The following SYPL1 variants were observed in gnomAD, a reference collection of about 807,000 sequenced individuals.
SYPL1 encodes synaptophysin-like protein 1.
In SYPL1, 6 loss-of-function variants were observed where a neutral mutation model predicts 23.7. The observed-to-expected ratio is 0.25, with a 90% CI of 0.14 to 0.50. The LOEUF (loss-of-function observed/expected upper bound fraction) is 0.50. Ranked by LOEUF, SYPL1 falls within the 20% of genes least tolerant of loss-of-function variation. The probability of loss-of-function intolerance (pLI) is 0.98; values close to 1 mark genes in which losing one functional copy is unlikely to be tolerated. For synonymous variants in SYPL1, 102 were observed against 104.5 expected, an observed-to-expected ratio of 0.98 and a Z score of 0.15; for missense variants, 253 against 288.9, an observed-to-expected ratio of 0.88 and a Z score of 0.90.
rs1011983828 is a variant in SYPL1, at chr7:106,095,017, G to C, written c.403-1880C>G. ...CAATGCACAACCTGCAGCTGCCTAG[G>C]GCAGCTCTACTCCTCCCAACAATTC... On this transcript the variant is annotated intron_variant, in intron 3 of 4. Transcript: ENST00000455385. This position sits in a 1 kb window ranked among gnomAD's most constrained non-coding sequence, Gnocchi z 4.3. 1.3e-5 allele frequency among the ~76,000 whole-genome samples: 2 copies of C among 152,034 alleles called. No individual in the cohort carries two copies. The highest frequency in any genetic ancestry group is 4.8e-5 in the African/African-American group (2 of 41,386).
chr7:106,108,504 T>C (rs1189545686), intron 1 of SYPL1, among the ~76,000 whole-genome samples: 5 of 152,030 alleles, frequency 3.3e-5, no homozygotes, highest in African/African-American at 4.8e-5. Flanking sequence ...GCCTTCTGAG[T>C]CCCCTGGTCC....
chr7:106,092,672 CAAA>C (rs549863505), intron 4 of SYPL1: 2,361 of 266,550 alleles, frequency 8.9e-3, no homozygotes, highest in East Asian at 0.015. Context: ...AACTCCATCT[CAAA>C]AAAAAAAAAA....
Position 106,112,283 on chromosome 7 carries a change from G to T in SYPL1, c.-75C>A, listed in dbSNP as rs893647185. 1 of 1,414,636 alleles carries T rather than the reference G, an allele frequency of 7.1e-7. No homozygotes were observed. Among genetic ancestry groups the T allele is most frequent in the Non-Finnish European group, 9.4e-7 (1 of 1,067,868 alleles). The allele number at this position is 1,414,636 out of a possible 1,614,324, so 87.6% of individuals were successfully genotyped here. ...GGACCGACGAGACCAGAGCAGCCCG[G>T]TGGCGAGGAAGGGCAGGCGGGGCTG... On this transcript the variant is annotated 5_prime_UTR_variant, in exon 1 of 5. Coordinates refer to ENST00000455385, the MANE Select transcript of SYPL1 (RefSeq NM_182715.4).
At chr7:106,112,474 C>T (rs1426635567), upstream of SYPL1, 1 of 1,511,654 alleles carries the variant, frequency 6.6e-7, no homozygotes, top group Admixed American at 2.2e-5. Flanking sequence ...CTCCTCAGGC[C>T]GCACCTGGCC....
chr7:106,112,545 C>A (rs530769292), upstream of SYPL1: 1 of 1,505,110 alleles, frequency 6.6e-7, no homozygotes, highest in Non-Finnish European at 8.9e-7. Context: ...GTGCGCCGCG[C>A]CCCCTTCCCT....
intron 4 of SYPL1, 65 bp downstream of exon 4, chr7:106,092,884 T>C: frequency 1.5e-6 from 2 of 1,323,946 alleles, no homozygotes; most frequent in Non-Finnish European, 2.0e-6. Context: ...GCTATTGCTT[T>C]CCTGAATTAC....
At chr7:106,103,079 T>C (rs1295492717) in intron 1 of SYPL1, among the ~76,000 whole-genome samples, 1 of 152,176 alleles carries the variant, frequency 6.6e-6, no homozygotes. Flanking sequence ...TACTAGTATA[T>C]AGATCTAAGA....
Position 106,100,177 on chromosome 7 carries a change from C to G in SYPL1, c.70-895G>C, listed in dbSNP as rs1840240901. On this transcript the variant is annotated intron_variant, in intron 1 of 4. Coordinates refer to ENST00000455385, the MANE Select transcript of SYPL1 (RefSeq NM_182715.4). The surrounding 1 kb of genome is among the most constrained non-coding windows in gnomAD (Gnocchi z 5.1). ...TGTTAAACCTCCCTTGTGGGTATTT[C>G]CAGGTCTCAAAAAGTTGTTGGAAAC... is the stretch of plus-strand genomic sequence containing the variant. Among the ~76,000 whole-genome samples, 1 of 152,122 alleles carries G rather than the reference C, an allele frequency of 6.6e-6. No homozygotes were observed. The highest frequency in any genetic ancestry group is 2.4e-5 in the African/African-American group (1 of 41,422).
intron 1 of SYPL1, among the ~76,000 whole-genome samples, chr7:106,110,783 C>T (rs1354232573): frequency 6.6e-6 from 1 of 152,106 alleles, no homozygotes; most frequent in African/African-American, 2.4e-5. Context: ...AATATAAGCA[C>T]AGATATAAAC....
At chr7:106,098,212 A>C (rs1840129879) in intron 2 of SYPL1, among the ~76,000 whole-genome samples, 1 of 152,234 alleles carries the variant, frequency 6.6e-6, no homozygotes. Context: ...TTGAGACATC[A>C]TATTTCATTC....
chr7:106,093,486 T>G (rs1270025101), intron 3 of SYPL1, among the ~76,000 whole-genome samples: 3 of 152,170 alleles, frequency 2.0e-5, no homozygotes, highest in Admixed American at 2.0e-4. Flanking sequence ...TATCCTTCCA[T>G]ACTCTGTTTT....
At chr7:106,099,077 A>G in intron 2 of SYPL1, 81 bp downstream of exon 2, 1 of 1,533,144 alleles carries the variant, frequency 6.5e-7, no homozygotes, top group South Asian at 1.3e-5. Context: ...ACCCCCCACA[A>G]TCAATAAATT....
At chr7:106,105,760 G>A (rs1371397974) in intron 1 of SYPL1, among the ~76,000 whole-genome samples, 1 of 152,166 alleles carries the variant, frequency 6.6e-6, no homozygotes, top group East Asian at 1.9e-4. Flanking sequence ...AGCATGCTGG[G>A]TATCCTGAAG....
rs2116087727 is a variant in SYPL1 at position 106,095,423 on chromosome 7, C to T, written c.402+2267G>A. 6.6e-6 allele frequency among the ~76,000 whole-genome samples: 1 copy of T among 151,682 alleles called. No individual in the cohort carries two copies. Among genetic ancestry groups the T allele is most frequent in the South Asian group, 2.1e-4 (1 of 4,802 alleles). On this transcript the variant is annotated intron_variant, in intron 3 of 4. Coordinates refer to ENST00000455385, the MANE Select transcript of SYPL1 (RefSeq NM_182715.4). The surrounding 1 kb of genome is among the most constrained non-coding windows in gnomAD (Gnocchi z 4.3). ...GGAATACAGTGGTGTGATCTTGGCT[C>T]ACTGTAACCTCCACCTCCTGGGTTC...
At chr7:106,094,672 A>G (rs6960866) in intron 3 of SYPL1, among the ~76,000 whole-genome samples, 63,848 of 152,072 alleles carry the variant, frequency 0.42, 13,550 homozygotes, top group East Asian at 0.52. Flanking sequence ...GATGAGTAAC[A>G]TGAGGTTATA....
rs1337291996 is a variant in SYPL1, at chr7:106,090,791, C to T, written c.*1014G>A. 6.6e-6 allele frequency: 1 copy of T among 152,194 alleles called. No homozygotes were observed. The highest frequency in any genetic ancestry group is 1.5e-5 in the Non-Finnish European group (1 of 68,020). 9.4% of individuals were successfully genotyped at this position (152,194 alleles called of 1,614,324 possible). A position where few individuals can be genotyped will look rare whatever the true frequency, so the allele number is the denominator to read the frequency against. ...CCTTTATGATGCATAATTCCTTAAT[C>T]ATTCATTTGTGAAACAAGAATGAAT... On this transcript the variant is annotated 3_prime_UTR_variant, in exon 5 of 5. Coordinates refer to ENST00000455385, the MANE Select transcript of SYPL1 (RefSeq NM_182715.4).
chr7:106,092,865 T>G, intron 4 of SYPL1, 84 bp downstream of exon 4: 1 of 1,164,556 alleles, frequency 8.6e-7, no homozygotes, highest in Non-Finnish European at 1.2e-6. Context: ...ATCCAGAGAT[T>G]TACTGAAAGC....
At chr7:106,092,456 T>G in intron 4 of SYPL1, 1 of 222,894 alleles carries the variant, frequency 4.5e-6, no homozygotes, top group Non-Finnish European at 9.1e-6. Flanking sequence ...GCAGATCACT[T>G]GAGGTCGGGA....
upstream of SYPL1, chr7:106,112,510 A>T (rs1213367782): frequency 3.3e-6 from 5 of 1,523,740 alleles, no homozygotes; most frequent in Non-Finnish European, 3.5e-6. Context: ...CTGGCGAACC[A>T]AGTAGATGTT....
Sources: allele counts gnomAD v4.1 joint callset (sites outside exome capture counted in the v4.1 genomes callset), GRCh38; gene constraint gnomAD v4.1.1; non-coding constraint Gnocchi (gnomAD v3.1); transcripts MANE v1.5; gene names NCBI Gene and HGNC (gene_info 2026-07-23, HGNC 2026-07-21).